LTA4H: variants seen among roughly 807,000 people sequenced by gnomAD.
The protein encoded by LTA4H is leukotriene A-4 hydrolase.
In LTA4H, 59 loss-of-function variants were observed where a neutral mutation model predicts 89.8. The ratio of observed to expected loss-of-function variants is 0.66; its 90% confidence interval spans 0.53 to 0.82. The LOEUF is 0.82. LTA4H is among the 40% of genes least tolerant of loss of function. The pLI, the probability that LTA4H is intolerant of heterozygous loss-of-function variation, is 0.00. For synonymous variants in LTA4H, 227 were observed against 253.1 expected (o/e 0.90, Z 0.98); for missense variants, 617 against 727.0 (o/e 0.85, Z 1.74).
intron 14 of LTA4H, chr12:96,010,170 T>C (rs1031916506): frequency 2.6e-5 from 4 of 152,180 alleles, no homozygotes; most frequent in African/African-American, 9.7e-5. Flanking sequence ...AGAAAACCTT[T>C]AGCTGGTCTG....
At chr12:96,026,756 G>A (rs1447242441) in intron 3 of LTA4H, among the ~76,000 whole-genome samples, 2 of 152,050 alleles carry the variant, frequency 1.3e-5, no homozygotes, top group Admixed American at 6.5e-5. Flanking sequence ...TAGAGCAAAC[G>A]TTTAATGAAG....
At chr12:96,011,474 C>G (rs1304093147) in intron 14 of LTA4H, 2 of 152,146 alleles carry the variant, frequency 1.3e-5, no homozygotes, top group African/African-American at 4.8e-5. Flanking sequence ...AATGAAGATC[C>G]TCTAAGGTTC....
intron 3 of LTA4H, 122 bp from the exon 4 acceptor site, chr12:96,024,669 A>T (rs1400119746): frequency 2.2e-4 from 91 of 411,410 alleles, no homozygotes; most frequent in African/African-American, 1.8e-3. Context: ...ATTTCTTGGG[A>T]TTTTTTTTTT....
intron 1 of LTA4H, 55 bp from the exon 2 acceptor site, chr12:96,029,240 T>C (rs1950546443): frequency 3.0e-6 from 3 of 1,014,824 alleles, no homozygotes; most frequent in South Asian, 3.5e-5. Flanking sequence ...CAGAAAAAAC[T>C]CATATTAGAT....
chr12:96,043,308 C>A (rs1244602178), exon 1 of LTA4H: 1 of 1,535,144 alleles, frequency 6.5e-7, no homozygotes, highest in East Asian at 2.4e-5. Flanking sequence ...TGCAAGAAGT[C>A]GACGAGTCTT....
At chr12:96,007,129 C>T (rs972393965) in intron 15 of LTA4H, among the ~76,000 whole-genome samples, 1 of 152,142 alleles carries the variant, frequency 6.6e-6, no homozygotes, top group African/African-American at 2.4e-5. Context: ...AGTACTACTC[C>T]TCAGTAACTA....
At chr12:96,043,321 C>A (rs149318749) in exon 1 of LTA4H, 116 of 1,535,522 alleles carry the variant, frequency 7.6e-5, no homozygotes, top group South Asian at 1.7e-4. Flanking sequence ...CGAGTCTTAA[C>A]TGGGATATGC....
upstream of LTA4H, among the ~76,000 whole-genome samples, chr12:96,038,074 G>A (rs537221514): frequency 1.3e-5 from 2 of 152,302 alleles, no homozygotes; most frequent in East Asian, 1.9e-4. Context: ...GGCTTCTGGA[G>A]AAGAGGAAAG....
chr12:96,028,693 GC>G (rs1233904690), intron 2 of LTA4H, among the ~76,000 whole-genome samples: 1 of 152,100 alleles, frequency 6.6e-6, no homozygotes, highest in Non-Finnish European at 1.5e-5. Flanking sequence ...AATGCAGCTG[GC>G]CTCTGGGGCA....
chr12:96,003,079 T>TG lies in LTA4H; in HGVS notation c.1614-16dup, dbSNP rs1396623929. 3 of 1,549,728 alleles carry TG rather than the reference T, an allele frequency of 1.9e-6. No homozygotes were observed. The highest frequency in any genetic ancestry group is 2.6e-6 in the Non-Finnish European group (3 of 1,133,942). On this transcript the variant is annotated splice_polypyrimidine_tract_variant and intron_variant, in intron 17 of 18. Coordinates refer to ENST00000228740, the MANE Select transcript of LTA4H (RefSeq NM_000895.3). The stretch of plus-strand genomic sequence containing the variant: ...GCCGCAGCCATCTAAAAGGAGGATT[T>TG]GGGGGGAGCATGGAGTAGAAAATGA...
chr12:96,036,086 C>T (rs1030251041), upstream of LTA4H, among the ~76,000 whole-genome samples: 14 of 151,774 alleles, frequency 9.2e-5, no homozygotes, highest in African/African-American at 2.4e-4. Context: ...GATTCCCCGA[C>T]GGGGAGGCAC....
intron 14 of LTA4H, chr12:96,012,789 C>A (rs1276889042): frequency 6.0e-6 from 1 of 166,412 alleles, no homozygotes; most frequent in Non-Finnish European, 1.3e-5. Flanking sequence ...TTACTACTCA[C>A]TAGCTGTGCA....
intron 3 of LTA4H, chr12:96,025,232 C>T (rs1950500672): frequency 6.6e-6 from 1 of 152,174 alleles, no homozygotes; most frequent in Admixed American, 6.5e-5. Context: ...TATTAGCCGC[C>T]TGAAGGCTCT....
At chr12:96,021,856 C>T (rs1592889358) in intron 5 of LTA4H, among the ~76,000 whole-genome samples, 2 of 152,084 alleles carry the variant, frequency 1.3e-5, no homozygotes, top group Non-Finnish European at 2.9e-5. Context: ...CAGGTGAATG[C>T]GTAAGAACTC....
At chr12:96,010,321 C>CT (rs1443285533) in intron 14 of LTA4H, 1 of 152,092 alleles carries the variant, frequency 6.6e-6, no homozygotes, top group Non-Finnish European at 1.5e-5. Context: ...TCTCATGGTG[C>CT]TGACAGTATA....
At chr12:96,025,724 G>A (rs1950506129) in intron 3 of LTA4H, among the ~76,000 whole-genome samples, 1 of 151,888 alleles carries the variant, frequency 6.6e-6, no homozygotes, top group East Asian at 1.9e-4. Flanking sequence ...CTACTCAGGA[G>A]GCTGAGGTAA....
At position 96,014,992 on chromosome 12, in the gene LTA4H, G is replaced by A; in HGVS notation, c.1067C>T (p.Thr356Ile). ...GGTGAAAGGATGTGTCTCCCCAAAT[G>A]TCTTTACCTGCAAGACATGAAATAA... ...GWGELQNSVK[T>I]FGETHPFTKL... Residue 356 changes from threonine to isoleucine, a missense_variant, in exon 12 of 19, where the codon ACA becomes ATA. Thr to Ile is a moderately conservative substitution (Grantham distance 89, BLOSUM62 -1). Around this residue, in one of 3 missense-constraint regions of LTA4H, gnomAD observed 290 missense variants for 339.1 expected, o/e 0.86. Transcript: ENST00000228740. 2 of 1,607,860 alleles carry A rather than the reference G, an allele frequency of 1.2e-6. No individual in the cohort carries two copies. The highest frequency in any genetic ancestry group is 1.7e-6 in the Non-Finnish European group (2 of 1,178,346).
chr12:96,016,752 T>C (rs1050965177), intron 10 of LTA4H, among the ~76,000 whole-genome samples: 2 of 151,786 alleles, frequency 1.3e-5, no homozygotes, highest in Non-Finnish European at 2.9e-5. Context: ...ATACAAAAAA[T>C]TAGCTGGGCG....
chr12:96,001,231 G>C (rs1224221735), intron 18 of LTA4H, 125 bp from the exon 19 acceptor site: 1 of 656,902 alleles, frequency 1.5e-6, no homozygotes, highest in East Asian at 2.7e-5. Context: ...AGGAGAAAGA[G>C]AATAAGAACA....
Sources: gnomAD v4.1 joint callset for allele counts (sites outside exome capture counted in the v4.1 genomes callset) on GRCh38, gnomAD v4.1.1 for gene constraint, gnomAD v4.1.1 regional missense constraint, MANE v1.5 for transcripts, NCBI Gene and HGNC (gene_info 2026-07-23, HGNC 2026-07-21) for gene names.